ZFHX3: variants seen among roughly 807,000 people sequenced by gnomAD.
ZFHX3 encodes the protein zinc finger homeobox protein 3.
ZFHX3 carries 42 observed loss-of-function variants against 279.1 expected under a neutral mutation model. The ratio of observed to expected loss-of-function variants is 0.15; its 90% CI spans 0.12 to 0.19. ZFHX3 has a LOEUF of 0.19. Ranked by LOEUF, ZFHX3 falls within the 10% of genes least tolerant of loss-of-function variation. The pLI is 1.00. For missense variants in ZFHX3, 4,981 were observed against 4,754.0 expected, an observed-to-expected ratio of 1.05 and a Z score of -1.40; for synonymous variants, 2,293 against 1,957.8, an observed-to-expected ratio of 1.17 and a Z score of -4.52.
intron 1 of ZFHX3, among the ~76,000 whole-genome samples, chr16:73,784,294 T>C (rs919552123): frequency 2.0e-5 from 3 of 151,976 alleles, no homozygotes; most frequent in Non-Finnish European, 2.9e-5. Context: ...ATAAAATACA[T>C]ATCAAGTGCT....
intron 1 of ZFHX3, among the ~76,000 whole-genome samples, chr16:73,683,645 G>A (rs1434278170): frequency 6.6e-6 from 1 of 151,982 alleles, no homozygotes; most frequent in Non-Finnish European, 1.5e-5. Context: ...GGACTCAAGT[G>A]ATTCTCCTGC....
chr16:73,875,052 G>C (rs2029904116), intron 1 of ZFHX3, among the ~76,000 whole-genome samples: 1 of 152,166 alleles, frequency 6.6e-6, no homozygotes, highest in Non-Finnish European at 1.5e-5. Context: ...CGGGTATATA[G>C]CTGTTAAGTG....
intron 3 of ZFHX3, among the ~76,000 whole-genome samples, chr16:73,335,884 T>C (rs1373711452): frequency 6.6e-6 from 1 of 152,108 alleles, no homozygotes; most frequent in Non-Finnish European, 1.5e-5. Context: ...AGTTAATGAG[T>C]TTTTGACTCT....
At chr16:73,609,678 A>C (rs2052226147) in intron 2 of ZFHX3, 1 of 152,108 alleles carries the variant, frequency 6.6e-6, no homozygotes, top group Non-Finnish European at 1.5e-5. Flanking sequence ...GGAGGGAAGA[A>C]GGAAGGAAGG....
At chr16:73,355,821 G>A (rs1019488683) in intron 3 of ZFHX3, among the ~76,000 whole-genome samples, 2 of 152,122 alleles carry the variant, frequency 1.3e-5, no homozygotes, top group Non-Finnish European at 1.5e-5. Context: ...CCAACAGAGC[G>A]CGACGGTACC....
At chr16:73,646,224 G>GGAT (rs1220940482) in intron 2 of ZFHX3, among the ~76,000 whole-genome samples, 1 of 152,124 alleles carries the variant, frequency 6.6e-6, no homozygotes, top group East Asian at 1.9e-4. Context: ...AAAGAAAGTA[G>GGAT]GATGTGTCTT....
chr16:73,383,486 ACG>A (rs1414601201), intron 3 of ZFHX3, among the ~76,000 whole-genome samples: 1 of 152,220 alleles, frequency 6.6e-6, no homozygotes, highest in African/African-American at 2.4e-5. Context: ...AAATGAAAGA[ACG>A]CACACAGACG....
chr16:73,259,714 T>A (rs1296390035), intron 4 of ZFHX3, among the ~76,000 whole-genome samples: 1 of 152,194 alleles, frequency 6.6e-6, no homozygotes, highest in Non-Finnish European at 1.5e-5. Context: ...GCAAAAATAG[T>A]GAAGAGAATT....
chr16:73,503,204 G>C (rs1285245833), intron 2 of ZFHX3, among the ~76,000 whole-genome samples: 4 of 152,176 alleles, frequency 2.6e-5, no homozygotes, highest in African/African-American at 2.4e-5. Context: ...ATGAGCTAGA[G>C]GCACTTATCT....
At chr16:73,031,672 A>C (rs1013117095) in intron 1 of ZFHX3, among the ~76,000 whole-genome samples, 1 of 152,192 alleles carries the variant, frequency 6.6e-6, no homozygotes, top group East Asian at 1.9e-4. Flanking sequence ...CTGGACTCAG[A>C]GCCACCACAG....
intron 1 of ZFHX3, among the ~76,000 whole-genome samples, chr16:73,829,199 G>C (rs1268339170): frequency 1.1e-5 from 1 of 92,236 alleles, no homozygotes; most frequent in Admixed American, 1.0e-4. Flanking sequence ...GATCGCATCG[G>C]CTCCTGAGGC....
intron 8 of ZFHX3, among the ~76,000 whole-genome samples, chr16:73,085,985 CAAAAAAAA>C (rs57128744): frequency 1.1e-4 from 6 of 54,220 alleles, no homozygotes; most frequent in East Asian, 1.2e-3. Context: ...AACTCAATTG[CAAAAAAAA>C]AAAAAAAAAA....
intron 1 of ZFHX3, among the ~76,000 whole-genome samples, chr16:73,768,488 C>G (rs2053979648): frequency 6.6e-6 from 1 of 152,130 alleles, no homozygotes; most frequent in Non-Finnish European, 1.5e-5. Context: ...TAAGCTAGAC[C>G]TGAAATCCTA....
intron 2 of ZFHX3, among the ~76,000 whole-genome samples, chr16:73,574,171 T>C (rs2051772017): frequency 2.0e-5 from 3 of 152,220 alleles, no homozygotes; most frequent in South Asian, 2.1e-4. Context: ...ACTGATTTCA[T>C]ATGTTGATGC....
intron 1 of ZFHX3, among the ~76,000 whole-genome samples, chr16:73,041,652 G>A (rs190595567): frequency 2.0e-5 from 3 of 152,218 alleles, no homozygotes; most frequent in East Asian, 1.9e-4. Flanking sequence ...AAAAGCAGTC[G>A]CTTGAGTAGT....
chr16:73,018,710 A>T (rs1214343333), intron 1 of ZFHX3, among the ~76,000 whole-genome samples: 3 of 152,062 alleles, frequency 2.0e-5, no homozygotes. Flanking sequence ...TACTCTCTTC[A>T]CTCTGAGAAT....
chr16:73,384,241 G>C (rs2016861822), intron 3 of ZFHX3, among the ~76,000 whole-genome samples: 1 of 152,320 alleles, frequency 6.6e-6, no homozygotes, highest in African/African-American at 2.4e-5. Context: ...TTTACATATA[G>C]TCTATGGGCT....
intron 3 of ZFHX3, among the ~76,000 whole-genome samples, chr16:73,361,866 C>A (rs1049190828): frequency 1.3e-5 from 2 of 152,154 alleles, no homozygotes; most frequent in Admixed American, 6.5e-5. Flanking sequence ...ACACGTGGTA[C>A]AGTTTGGCCA....
At chr16:73,678,483 T>A (rs918442425) in intron 2 of ZFHX3, among the ~76,000 whole-genome samples, 3 of 152,200 alleles carry the variant, frequency 2.0e-5, no homozygotes, top group African/African-American at 7.2e-5. Context: ...ATTTTCCAAA[T>A]TTTTCAGAAC....
Sources: allele counts gnomAD v4.1 joint callset (sites outside exome capture counted in the v4.1 genomes callset), GRCh38; gene constraint gnomAD v4.1.1; transcripts MANE v1.5; gene names NCBI Gene and HGNC (gene_info 2026-07-23, HGNC 2026-07-21).